The following EVC2 variants were observed in gnomAD, a reference collection of about 807,000 sequenced individuals.
EVC2 encodes the protein limbin.
In EVC2, 148 loss-of-function variants were observed where a neutral mutation model predicts 149.3. The observed-to-expected ratio is 0.99, with a 90% CI of 0.87 to 1.14. The LOEUF is 1.14. Ranked by LOEUF, EVC2 falls within the 50% of genes most tolerant of loss-of-function variation. The pLI, the probability that EVC2 is intolerant of heterozygous loss-of-function variation, is 0.00. For missense variants in EVC2, 1,854 were observed against 1,627.3 expected, an observed-to-expected ratio of 1.14 and a Z score of -2.40; for synonymous variants, 776 against 649.9, an observed-to-expected ratio of 1.19 and a Z score of -2.95.
chr4:5,675,305 T>A (rs2151718048), intron 7 of EVC2, among the ~76,000 whole-genome samples: 1 of 152,342 alleles, frequency 6.6e-6, no homozygotes, highest in South Asian at 2.1e-4. Flanking sequence ...TTTTACTAAT[T>A]GCTATATTTA....
chr4:5,543,113 A>G (rs1380308197), exon 22 of EVC2: 1 of 1,288,868 alleles, frequency 7.8e-7, no homozygotes. Flanking sequence ...TGTTTGGGAC[A>G]AACTTGCAGG....
chr4:5,615,651 A>T lies in EVC2; in HGVS notation c.2707-107T>A, dbSNP rs975558057. 7.3e-6 allele frequency: 11 copies of T among 1,508,710 alleles called. 1 individual carries two copies. The South Asian group carries it at 1.2e-4, about 17-fold the overall frequency. The allele number at this position is 1,508,710 out of a possible 1,614,324, so 93.5% of individuals were successfully genotyped here. On this transcript the variant is annotated intron_variant, in intron 15 of 21. Coordinates refer to ENST00000344408, the MANE Select transcript of EVC2 (RefSeq NM_147127.5). ...AAGAGAAGTTTCTGCAGCTCCCAGA[A>T]CTGCAAAACTCTGCCTTAGGCCAGA...
chr4:5,584,055 A>G (rs1712045146), intron 17 of EVC2, among the ~76,000 whole-genome samples: 1 of 152,086 alleles, frequency 6.6e-6, no homozygotes, highest in African/African-American at 2.4e-5. Flanking sequence ...TTCCCTCCCC[A>G]TACTAGGGTT....
intron 7 of EVC2, among the ~76,000 whole-genome samples, chr4:5,666,030 C>T (rs1308375026): frequency 1.3e-5 from 2 of 152,110 alleles, no homozygotes; most frequent in Non-Finnish European, 2.9e-5. Context: ...TTTGCAGAGG[C>T]CAGAGGAAGA....
chr4:5,691,619 C>A (rs1435201363), intron 3 of EVC2, among the ~76,000 whole-genome samples: 1 of 152,150 alleles, frequency 6.6e-6, no homozygotes, highest in Non-Finnish European at 1.5e-5. Flanking sequence ...GACTGACATA[C>A]CAGCAAGGGG....
At chr4:5,708,626 G>A, upstream of EVC2, 2 of 745,954 alleles carry the variant, frequency 2.7e-6, no homozygotes, top group South Asian at 2.9e-5. Flanking sequence ...GCCGCCGAAA[G>A]TTTTCTGGAA....
intron 9 of EVC2, among the ~76,000 whole-genome samples, chr4:5,655,376 T>C (rs1241369474): frequency 6.6e-6 from 1 of 152,096 alleles, no homozygotes; most frequent in Non-Finnish European, 1.5e-5. Flanking sequence ...GTTATCTGTA[T>C]CATGGGGCTG....
intron 21 of EVC2, among the ~76,000 whole-genome samples, chr4:5,556,132 TC>T (rs1322921956): frequency 4.0e-5 from 5 of 124,512 alleles, no homozygotes; most frequent in Non-Finnish European, 3.1e-5. Context: ...TGAGCCAAGA[TC>T]GTGCCATTGC....
chr4:5,693,146 G>T (rs1721243481), intron 3 of EVC2, among the ~76,000 whole-genome samples: 1 of 152,172 alleles, frequency 6.6e-6, no homozygotes, highest in South Asian at 2.1e-4. Context: ...AATAAATGCA[G>T]AAGGGACGAC....
At chr4:5,687,948 C>T (rs1047208823) in intron 5 of EVC2, among the ~76,000 whole-genome samples, 2 of 152,172 alleles carry the variant, frequency 1.3e-5, no homozygotes, top group African/African-American at 4.8e-5. Flanking sequence ...GCAGAAGCCA[C>T]GCAGCTTCTC....
At chr4:5,682,946 G>A (rs781311918) in intron 6 of EVC2, among the ~76,000 whole-genome samples, 1 of 151,540 alleles carries the variant, frequency 6.6e-6, no homozygotes, top group East Asian at 1.9e-4. Context: ...CATTACAGAC[G>A]CGACTAAGGC....
At position 5,693,885 on chromosome 4, in the gene EVC2, G is replaced by A. The variant is rs559098762; in HGVS notation, c.450+450C>T. Among the ~76,000 whole-genome samples the A allele has an allele frequency of 6.2e-4, 94 of 152,290 alleles. 1 individual carries two copies. The highest frequency in any genetic ancestry group is 1.0e-3 in the Non-Finnish European group (68 of 68,016). On this transcript the variant is annotated intron_variant, in intron 3 of 21. Coordinates refer to ENST00000344408, the MANE Select transcript of EVC2 (RefSeq NM_147127.5). ...TAATCTCTCTAATCCTCAATTTCCC[G>A]TCTGTAAAATGAGAATAAAAATATT...
chr4:5,708,601 T>C, upstream of EVC2: 3 of 997,996 alleles, frequency 3.0e-6, no homozygotes, highest in Non-Finnish European at 4.0e-6. Flanking sequence ...CCGCCGAGCA[T>C]GCTCAGTGCG....
At chr4:5,650,632 TATATATAGAGAGAGAG>T (rs1423487517) in intron 9 of EVC2, among the ~76,000 whole-genome samples, 8 of 61,554 alleles carry the variant, frequency 1.3e-4, no homozygotes, top group East Asian at 5.8e-4. Flanking sequence ...TATATATATA[TATATATAGAGAGAGAG>T]AGAGAGAGAG....
At chr4:5,707,188 C>T (rs1442910777) in intron 1 of EVC2, among the ~76,000 whole-genome samples, 9 of 152,154 alleles carry the variant, frequency 5.9e-5, no homozygotes, top group South Asian at 2.1e-4. Flanking sequence ...TCTCACAGGG[C>T]AGATGCAAGT....
In EVC2 at chr4:5,657,969, C is replaced by T. The variant is rs936315106; in HGVS notation, c.1145+5138G>A. On this transcript the variant is annotated intron_variant, in intron 9 of 21. Coordinates refer to ENST00000344408, the MANE Select transcript of EVC2 (RefSeq NM_147127.5). This position sits in a 1 kb window ranked among gnomAD's most constrained non-coding sequence, Gnocchi z 4.7. ...CTTGTGCTTGCTGCCCACTCCAAAA[C>T]GCTCATCGCCAGCTCTCAGCTTAAC... is the stretch of plus-strand genomic sequence containing the variant. Among the ~76,000 whole-genome samples the T allele has an allele frequency of 6.6e-5, 10 of 152,114 alleles. No individual in the cohort carries two copies. In the East Asian group the frequency reaches 1.2e-3, roughly 18 times the overall value.
chr4:5,545,723 G>A (rs1721603572), intron 21 of EVC2, among the ~76,000 whole-genome samples: 1 of 152,090 alleles, frequency 6.6e-6, no homozygotes, highest in Non-Finnish European at 1.5e-5. Flanking sequence ...GTGGTCATGG[G>A]ACTCAGTTCT....
chr4:5,623,577 T>C (rs905509235), intron 13 of EVC2, among the ~76,000 whole-genome samples: 3 of 152,116 alleles, frequency 2.0e-5, no homozygotes, highest in Admixed American at 2.0e-4. Context: ...TGACCTCAAG[T>C]GATCTACCCA....
At chr4:5,630,826 T>C (rs149074829) in intron 11 of EVC2, among the ~76,000 whole-genome samples, 45 of 152,316 alleles carry the variant, frequency 3.0e-4, no homozygotes, top group Admixed American at 2.5e-3. Context: ...TTTGCATTTC[T>C]CAAACATCTT....
Sources: allele counts gnomAD v4.1 joint callset (sites outside exome capture counted in the v4.1 genomes callset), GRCh38; gene constraint gnomAD v4.1.1; non-coding constraint Gnocchi (gnomAD v3.1); transcripts MANE v1.5; gene names NCBI Gene and HGNC (gene_info 2026-07-23, HGNC 2026-07-21).